CRPPA: variants seen among roughly 807,000 people sequenced by gnomAD.
CRPPA encodes the protein CDP-L-ribitol pyrophosphorylase A.
CRPPA carries 43 observed loss-of-function variants against 52.0 expected under a neutral mutation model. That is an observed-to-expected ratio of 0.83 (90% CI 0.65 to 1.07). The LOEUF (loss-of-function observed/expected upper bound fraction) is 1.07, where lower values mean the gene tolerates loss of function less well. CRPPA is among the 50% of genes least tolerant of loss of function. The pLI, the probability that CRPPA is intolerant of heterozygous loss-of-function variation, is 0.00. For missense variants in CRPPA, 629 were observed against 551.7 expected (o/e 1.14, Z -1.40); for synonymous variants, 250 against 203.5 (o/e 1.23, Z -1.94).
At chr7:16,138,301 T>C (rs1583382968) in intron 9 of CRPPA, among the ~76,000 whole-genome samples, 1 of 152,152 alleles carries the variant, frequency 6.6e-6, no homozygotes, top group Non-Finnish European at 1.5e-5. Flanking sequence ...AAGAAGAGAA[T>C]TTGTCTGTGC....
intron 8 of CRPPA, among the ~76,000 whole-genome samples, chr7:16,236,948 GCGCACA>G (rs1323215406): frequency 7.1e-6 from 1 of 141,018 alleles, no homozygotes; most frequent in Non-Finnish European, 1.5e-5. Flanking sequence ...TTTCGTGCGC[GCGCACA>G]CACACACACA....
chr7:16,186,085 T>C (rs1044946803), intron 9 of CRPPA, among the ~76,000 whole-genome samples: 6 of 152,176 alleles, frequency 3.9e-5, no homozygotes, highest in African/African-American at 9.6e-5. Flanking sequence ...CATACATACA[T>C]ATATAGACAG....
At chr7:16,368,022 T>C (rs1239390027) in intron 3 of CRPPA, among the ~76,000 whole-genome samples, 1 of 152,172 alleles carries the variant, frequency 6.6e-6, no homozygotes, top group Admixed American at 6.5e-5. Context: ...TCTAAAATTC[T>C]CTATGTACAA....
chr7:16,339,258 A>G (rs1034388298), intron 3 of CRPPA, among the ~76,000 whole-genome samples: 2 of 152,192 alleles, frequency 1.3e-5, no homozygotes, highest in Non-Finnish European at 1.5e-5. Flanking sequence ...AAAAATAACT[A>G]CAGACCAATA....
chr7:16,145,471 C>A, intron 9 of CRPPA, among the ~76,000 whole-genome samples: 1 of 151,778 alleles, frequency 6.6e-6, no homozygotes, highest in Admixed American at 6.6e-5. Flanking sequence ...ATTAATAAAC[C>A]CTCAGTAACC....
At chr7:16,259,344 G>T (rs1481624137) in intron 6 of CRPPA, among the ~76,000 whole-genome samples, 1 of 151,988 alleles carries the variant, frequency 6.6e-6, no homozygotes, top group African/African-American at 2.4e-5. Flanking sequence ...AGGACTAAAA[G>T]AGAAAGGGTG....
At chr7:16,282,529 A>G (rs1440289138) in intron 5 of CRPPA, among the ~76,000 whole-genome samples, 4 of 152,142 alleles carry the variant, frequency 2.6e-5, no homozygotes, top group African/African-American at 4.8e-5. Context: ...GAAATGATAA[A>G]GTAAATGAGG....
chr7:16,394,682 C>A (rs1447878970), intron 2 of CRPPA, among the ~76,000 whole-genome samples: 2 of 152,122 alleles, frequency 1.3e-5, no homozygotes, highest in Non-Finnish European at 2.9e-5. Flanking sequence ...ATTTCAGATA[C>A]AATTATGGCA....
At chr7:16,407,029 A>G (rs1446614878) in intron 1 of CRPPA, among the ~76,000 whole-genome samples, 1 of 152,212 alleles carries the variant, frequency 6.6e-6, no homozygotes, top group African/African-American at 2.4e-5. Flanking sequence ...ATGCTGGAAT[A>G]CAGTGGCACC....
intron 9 of CRPPA, among the ~76,000 whole-genome samples, chr7:16,211,707 T>C (rs77137406): frequency 0.012 from 1,824 of 152,218 alleles, 36 homozygotes; most frequent in African/African-American, 0.041. Context: ...GATGAAAAAA[T>C]GGATGTCAGT....
rs190471888 is a variant in CRPPA at position 16,121,464 on chromosome 7, A to G, written c.1252-29665T>C. On this transcript the variant is annotated intron_variant, in intron 9 of 9. Coordinates refer to ENST00000407010, the MANE Select transcript of CRPPA (RefSeq NM_001101426.4). ...TACAATGTGAATACAGACTAATGAG[A>G]GAATCAAATCTCTTGGATCAATAAT... Among the ~76,000 whole-genome samples, 32 of 152,198 alleles carry G rather than the reference A, an allele frequency of 2.1e-4. No individual in the cohort carries two copies. The East Asian group carries it at 4.3e-3, about 20-fold the overall frequency.
At chr7:16,393,271 A>G (rs1238864986) in intron 2 of CRPPA, among the ~76,000 whole-genome samples, 23 of 152,192 alleles carry the variant, frequency 1.5e-4, no homozygotes, top group Admixed American at 1.5e-3. Context: ...TAATATAAGA[A>G]AATTAAACAA....
chr7:16,241,449 T>A (rs925440714), intron 8 of CRPPA, among the ~76,000 whole-genome samples: 6 of 152,078 alleles, frequency 3.9e-5, no homozygotes, highest in African/African-American at 7.2e-5. Context: ...AAAGCAAAGC[T>A]CTCATGTAAT....
chr7:16,368,812 C>T (rs1344123317), intron 3 of CRPPA, among the ~76,000 whole-genome samples: 2 of 152,136 alleles, frequency 1.3e-5, no homozygotes, highest in Non-Finnish European at 2.9e-5. Context: ...CAACCTTACA[C>T]ACGGATCTTT....
intron 4 of CRPPA, among the ~76,000 whole-genome samples, chr7:16,303,491 A>AAAAAAAAAAAAAAAAAC (rs766268683): frequency 8.0e-6 from 1 of 124,936 alleles, no homozygotes; most frequent in Non-Finnish European, 1.8e-5. Context: ...AAAAAAAAAA[A>AAAAAAAAAAAAAAAAAC]AAAAAAAAAA....
At chr7:16,261,324 C>G (rs1232810801) in intron 6 of CRPPA, among the ~76,000 whole-genome samples, 1 of 152,078 alleles carries the variant, frequency 6.6e-6, no homozygotes, top group Non-Finnish European at 1.5e-5. Context: ...CAACTCACTT[C>G]TTTTTGTAAG....
At chr7:16,377,684 C>T (rs1006451011) in intron 2 of CRPPA, among the ~76,000 whole-genome samples, 1 of 152,084 alleles carries the variant, frequency 6.6e-6, no homozygotes, top group Non-Finnish European at 1.5e-5. Flanking sequence ...AGCCGTGACC[C>T]GTTTCTTCTT....
At chr7:16,376,325 A>C (rs1786884910) in intron 2 of CRPPA, 84 bp from the exon 3 acceptor site, 1 of 1,361,494 alleles carries the variant, frequency 7.3e-7, no homozygotes, top group African/African-American at 1.5e-5. Context: ...CACTTTTGAC[A>C]GATCTTATTC....
chr7:16,117,635 T>A (rs1338306287), intron 9 of CRPPA, among the ~76,000 whole-genome samples: 1 of 152,212 alleles, frequency 6.6e-6, no homozygotes, highest in African/African-American at 2.4e-5. Flanking sequence ...CACTTGGAAG[T>A]GGCTTTGGCA....
Sources: gnomAD v4.1 joint callset for allele counts (sites outside exome capture counted in the v4.1 genomes callset) on GRCh38, gnomAD v4.1.1 for gene constraint, MANE v1.5 for transcripts, NCBI Gene and HGNC (gene_info 2026-07-23, HGNC 2026-07-21) for gene names.